Variants in NME9 observed in about 807,000 individuals in gnomAD.
The protein encoded by NME9 is NME/NM23 family member 9.
Under a neutral mutation model 44.4 loss-of-function variants are expected in NME9, and 48 were observed. The ratio of observed to expected loss-of-function variants is 1.08; its 90% CI spans 0.86 to 1.37. The LOEUF (loss-of-function observed/expected upper bound fraction) is 1.37. Ranked by LOEUF, NME9 falls within the 40% of genes most tolerant of loss-of-function variation. NME9 has a pLI of 0.00. For missense variants in NME9, 325 were observed against 405.2 expected, an observed-to-expected ratio of 0.80 and a Z score of 1.70; for synonymous variants, 139 against 147.1, an observed-to-expected ratio of 0.94 and a Z score of 0.40.
chr3:138,296,917 T>G (rs1482036483), downstream of NME9: 1 of 152,202 alleles, frequency 6.6e-6, no homozygotes, highest in Admixed American at 6.5e-5. Context: ...TGGAAACTTG[T>G]GCTCAAACTA....
intron 5 of NME9, 147 bp downstream of exon 5, chr3:138,315,380 G>A (rs2052997860): frequency 3.2e-6 from 2 of 620,662 alleles, no homozygotes; most frequent in Non-Finnish European, 5.7e-6. Flanking sequence ...CCAGGGCACA[G>A]TGCATGAGGA....
intron 8 of NME9, among the ~76,000 whole-genome samples, chr3:138,295,425 G>A (rs79415683): frequency 2.1e-3 from 323 of 152,208 alleles, no homozygotes; most frequent in African/African-American, 7.1e-3. Context: ...CCATTTCCTC[G>A]GTCAGTTTTC....
chr3:138,275,851 A>T (rs746492204), intron 8 of NME9, among the ~76,000 whole-genome samples: 7 of 152,224 alleles, frequency 4.6e-5, no homozygotes, highest in African/African-American at 1.4e-4. Context: ...AATTTTTTTT[A>T]AAACTGTGTT....
At chr3:138,278,085 T>C (rs966114609) in intron 8 of NME9, among the ~76,000 whole-genome samples, 3 of 152,146 alleles carry the variant, frequency 2.0e-5, no homozygotes, top group African/African-American at 7.2e-5. Context: ...AAATCAAAGG[T>C]ATCCAAGCCT....
chr3:138,284,610 T>A, intron 8 of NME9: 1 of 1,018,286 alleles, frequency 9.8e-7, no homozygotes, highest in Non-Finnish European at 1.5e-6. Context: ...GCAGAGATTT[T>A]AAAAAGAGGA....
chr3:138,281,968 C>T (rs2049974793), intron 8 of NME9, among the ~76,000 whole-genome samples: 1 of 152,106 alleles, frequency 6.6e-6, no homozygotes, highest in South Asian at 2.1e-4. Flanking sequence ...CTGGCCAACC[C>T]ATAGGATTGA....
intron 8 of NME9, chr3:138,289,026 T>A: frequency 6.2e-7 from 1 of 1,601,434 alleles, no homozygotes. Flanking sequence ...TTTGATTTTT[T>A]TTTCTTTTTC....
At chr3:138,289,422 G>A (rs2050735305) in intron 8 of NME9, among the ~76,000 whole-genome samples, 1 of 152,196 alleles carries the variant, frequency 6.6e-6, no homozygotes, top group African/African-American at 2.4e-5. Context: ...TGCACTTGAA[G>A]AAGGTGAGAG....
chr3:138,263,884 G>T, intron 8 of NME9: 2 of 1,393,624 alleles, frequency 1.4e-6, no homozygotes, highest in Non-Finnish European at 2.0e-6. Context: ...TTTCCTTTCT[G>T]GTCCTTCACT....
At chr3:138,264,412 C>CTTTTTTTTTTT (rs11298899) in intron 8 of NME9, among the ~76,000 whole-genome samples, 23 of 48,626 alleles carry the variant, frequency 4.7e-4, no homozygotes, top group South Asian at 1.2e-3. Flanking sequence ...GATTTTCTTT[C>CTTTTTTTTTTT]TTTTTTTTTT....
intron 2 of NME9, among the ~76,000 whole-genome samples, chr3:138,322,920 A>T (rs1167416007): frequency 6.6e-6 from 1 of 152,120 alleles, no homozygotes; most frequent in Non-Finnish European, 1.5e-5. Context: ...AGAAATAATG[A>T]TTTTTTTCAC....
intron 2 of NME9, chr3:138,324,314 G>A (rs1305972285): frequency 2.6e-6 from 1 of 377,856 alleles, no homozygotes; most frequent in African/African-American, 2.1e-5. Context: ...GAGACACTCT[G>A]AGCCAGAGGT....
chr3:138,314,715 CTA>C (rs2052949425), intron 5 of NME9, among the ~76,000 whole-genome samples: 1 of 152,148 alleles, frequency 6.6e-6, no homozygotes, highest in South Asian at 2.1e-4. Flanking sequence ...AAGAGATTGA[CTA>C]TGCAGTACAG....
intron 2 of NME9, chr3:138,324,151 A>T (rs2053633631): frequency 4.0e-6 from 1 of 248,088 alleles, no homozygotes; most frequent in Non-Finnish European, 8.2e-6. Flanking sequence ...GCCAACAGCC[A>T]ATGAGGACTT....
intron 8 of NME9, among the ~76,000 whole-genome samples, chr3:138,281,777 G>A (rs2049955367): frequency 1.3e-5 from 2 of 152,182 alleles, no homozygotes; most frequent in South Asian, 4.1e-4. Context: ...TATTCTGAGG[G>A]ATCTTCCCTG....
At chr3:138,283,501 ATTGT>A (rs532996996) in intron 8 of NME9, among the ~76,000 whole-genome samples, 115 of 152,182 alleles carry the variant, frequency 7.6e-4, no homozygotes, top group African/African-American at 2.6e-3. Context: ...GTGAAATGTA[ATTGT>A]TTGTGTGACA....
At chr3:138,322,975 T>C (rs531383998) in intron 2 of NME9, among the ~76,000 whole-genome samples, 63 of 152,282 alleles carry the variant, frequency 4.1e-4, no homozygotes, top group African/African-American at 1.5e-3. Flanking sequence ...ATGGACAAAA[T>C]GGTTAAGCCT....
chr3:138,306,214 C>G, intron 7 of NME9, 118 bp from the exon 8 acceptor site: 1 of 837,310 alleles, frequency 1.2e-6, no homozygotes, highest in Non-Finnish European at 2.0e-6. Context: ...TGTGGAGACA[C>G]TGATCCCCAC....
intron 8 of NME9, among the ~76,000 whole-genome samples, chr3:138,267,942 TTAA>T (rs1399078138): frequency 6.6e-6 from 1 of 152,096 alleles, no homozygotes; most frequent in Non-Finnish European, 1.5e-5. Context: ...AAAGGTAGTA[TTAA>T]TAAGATGGAG....
Sources: gnomAD v4.1 joint callset for allele counts (sites outside exome capture counted in the v4.1 genomes callset) on GRCh38, gnomAD v4.1.1 for gene constraint, MANE v1.5 for transcripts, NCBI Gene and HGNC (gene_info 2026-07-23, HGNC 2026-07-21) for gene names.